GRIN3A: variants seen among roughly 807,000 people sequenced by gnomAD.
GRIN3A encodes the protein glutamate ionotropic receptor NMDA type subunit 3A.
GRIN3A carries 47 observed loss-of-function variants against 92.4 expected under a neutral mutation model. The ratio of observed to expected loss-of-function variants is 0.51; its 90% confidence interval spans 0.40 to 0.65. The LOEUF is 0.65. Ranked by LOEUF, GRIN3A falls within the 30% of genes least tolerant of loss-of-function variation. The pLI is 0.00. For synonymous variants in GRIN3A, 527 were observed against 540.6 expected, an observed-to-expected ratio of 0.97 and a Z score of 0.35; for missense variants, 1,324 against 1,393.1, an observed-to-expected ratio of 0.95 and a Z score of 0.79.
At chr9:101,665,227 A>G (rs1829223332) in intron 3 of GRIN3A, among the ~76,000 whole-genome samples, 3 of 152,078 alleles carry the variant, frequency 2.0e-5, no homozygotes, top group Admixed American at 1.3e-4. Flanking sequence ...ATCGCCTCTA[A>G]GAGGTAAAAA....
intron 1 of GRIN3A, among the ~76,000 whole-genome samples, chr9:101,729,197 C>A (rs1455339991): frequency 6.6e-6 from 1 of 152,146 alleles, no homozygotes; most frequent in Non-Finnish European, 1.5e-5. Flanking sequence ...CTTTTTGTCA[C>A]CTCCTCCCTG....
In GRIN3A at chr9:101,663,211, C is replaced by T. The variant is rs187076893; in HGVS notation, c.2352+6849G>A. On this transcript the variant is annotated intron_variant, in intron 3 of 8. Transcript: ENST00000361820. ...TATCTCATTCAGATCTTAGACAGACCTTCTTTCCCCATTCAGATCAGGTCT... is the reference window on the plus strand; with the variant it reads ...TATCTCATTCAGATCTTAGACAGACTTTCTTTCCCCATTCAGATCAGGTCT... Among the ~76,000 whole-genome samples, 254 of 151,972 alleles carry T rather than the reference C, an allele frequency of 1.7e-3. 2 individuals carry two copies. Among genetic ancestry groups the T allele is most frequent in the African/African-American group, 5.8e-3 (239 of 41,484 alleles).
intron 6 of GRIN3A, among the ~76,000 whole-genome samples, chr9:101,611,358 G>A (rs762044586): frequency 6.6e-6 from 1 of 152,030 alleles, no homozygotes; most frequent in South Asian, 2.1e-4. Context: ...TCTCCACAGG[G>A]TCTCCTTATA....
At chr9:101,639,228 A>C (rs1256153627) in intron 3 of GRIN3A, among the ~76,000 whole-genome samples, 1 of 152,168 alleles carries the variant, frequency 6.6e-6, no homozygotes, top group Non-Finnish European at 1.5e-5. Flanking sequence ...TATGATCATA[A>C]TATAATTACC....
At chr9:101,587,440 C>T (rs936445346) in intron 6 of GRIN3A, among the ~76,000 whole-genome samples, 9 of 152,044 alleles carry the variant, frequency 5.9e-5, no homozygotes, top group Non-Finnish European at 1.0e-4. Context: ...TGTATCCTGA[C>T]GCAGATCTCA....
At position 101,691,061 on chromosome 9, in the gene GRIN3A, C is replaced by A. The variant is rs550171291; in HGVS notation, c.700-3861G>T. 3.3e-5 allele frequency among the ~76,000 whole-genome samples: 5 copies of A among 152,024 alleles called. No homozygotes were observed. The East Asian group carries it at 9.7e-4, about 29-fold the overall frequency. On this transcript the variant is annotated intron_variant, in intron 1 of 8. Coordinates refer to ENST00000361820, the MANE Select transcript of GRIN3A (RefSeq NM_133445.3). ...AGCACACCGTATTTTTAGTTTTAAA[C>A]ACCTATCATAAAAAATAAAGGAACA... is the stretch of plus-strand genomic sequence containing the variant.
intron 6 of GRIN3A, among the ~76,000 whole-genome samples, chr9:101,591,219 C>A (rs1218442601): frequency 6.6e-6 from 1 of 152,220 alleles, no homozygotes; most frequent in African/African-American, 2.4e-5. Flanking sequence ...TCTAACATAT[C>A]TGTTTCATTG....
intron 1 of GRIN3A, among the ~76,000 whole-genome samples, chr9:101,725,587 C>T (rs1447778627): frequency 6.6e-6 from 1 of 152,136 alleles, no homozygotes; most frequent in East Asian, 1.9e-4. Context: ...CCTGGCCTTG[C>T]CACACACAAA....
chr9:101,628,154 T>C, intron 4 of GRIN3A, 102 bp downstream of exon 4: 1 of 1,134,084 alleles, frequency 8.8e-7, no homozygotes, highest in Non-Finnish European at 1.3e-6. Context: ...AACGTGGGTA[T>C]ATTCATCTGT....
At chr9:101,667,618 C>T (rs990091148) in intron 3 of GRIN3A, among the ~76,000 whole-genome samples, 1 of 149,816 alleles carries the variant, frequency 6.7e-6, no homozygotes, top group Non-Finnish European at 1.5e-5. Flanking sequence ...TGGTATAGGC[C>T]CTCCTCAAGG....
intron 2 of GRIN3A, among the ~76,000 whole-genome samples, chr9:101,674,290 A>G (rs1731288777): frequency 6.6e-6 from 1 of 152,074 alleles, no homozygotes; most frequent in Non-Finnish European, 1.5e-5. Flanking sequence ...TATATAGGAC[A>G]TAGTTTGGAA....
chr9:101,648,380 A>T (rs1302866830), intron 3 of GRIN3A, among the ~76,000 whole-genome samples: 2 of 152,038 alleles, frequency 1.3e-5, no homozygotes, highest in South Asian at 4.1e-4. Flanking sequence ...GTGACCTTAC[A>T]TGTGGTCTCT....
intron 3 of GRIN3A, among the ~76,000 whole-genome samples, chr9:101,650,381 C>T (rs1828998550): frequency 6.6e-6 from 1 of 152,016 alleles, no homozygotes; most frequent in Non-Finnish European, 1.5e-5. Context: ...TAAGCACAGT[C>T]TTAGCAAAGT....
At chr9:101,690,652 G>C (rs933930031) in intron 1 of GRIN3A, among the ~76,000 whole-genome samples, 2 of 152,120 alleles carry the variant, frequency 1.3e-5, no homozygotes, top group African/African-American at 4.8e-5. Context: ...AATCAGGCAA[G>C]AGTGGTAAAA....
rs1342773233 is a variant in GRIN3A, at chr9:101,570,559, C to T, written c.*2615G>A. On this transcript the variant is annotated 3_prime_UTR_variant, in exon 9 of 9. Coordinates refer to ENST00000361820, the MANE Select transcript of GRIN3A (RefSeq NM_133445.3). ...TTTTTCTTTATTCAGAACATAGAGG[C>T]ATTTCAAGCAATGTTGATGGCAGTA... The T allele has an allele frequency of 1.3e-5, 2 of 152,688 alleles. No individual in the cohort carries two copies. Among genetic ancestry groups the T allele is most frequent in the Non-Finnish European group, 2.9e-5 (2 of 68,046 alleles). 9.5% of individuals were successfully genotyped at this position (152,688 alleles called of 1,614,324 possible). A position where few individuals can be genotyped will look rare whatever the true frequency, so the allele number is the denominator to read the frequency against.
intron 6 of GRIN3A, among the ~76,000 whole-genome samples, chr9:101,598,049 T>A (rs1192696448): frequency 6.6e-6 from 1 of 152,226 alleles, no homozygotes; most frequent in Non-Finnish European, 1.5e-5. Context: ...AGTAGATGAA[T>A]CTTGGAATAA....
At chr9:101,728,503 A>G (rs1830103580) in intron 1 of GRIN3A, among the ~76,000 whole-genome samples, 1 of 152,140 alleles carries the variant, frequency 6.6e-6, no homozygotes, top group Non-Finnish European at 1.5e-5. Context: ...GGAAAATCTC[A>G]CCTTTTAAAT....
chr9:101,584,560 G>A (rs994250652), intron 6 of GRIN3A, among the ~76,000 whole-genome samples: 7 of 152,202 alleles, frequency 4.6e-5, no homozygotes, highest in Non-Finnish European at 1.0e-4. Context: ...AGGTGTCTAA[G>A]AGTGTTTTAG....
At chr9:101,631,049 A>C (rs907414523) in intron 3 of GRIN3A, among the ~76,000 whole-genome samples, 3 of 152,188 alleles carry the variant, frequency 2.0e-5, no homozygotes, top group Non-Finnish European at 4.4e-5. Context: ...AAGCCCTTAC[A>C]GTACATATAC....
Sources: allele counts gnomAD v4.1 joint callset (sites outside exome capture counted in the v4.1 genomes callset), GRCh38; gene constraint gnomAD v4.1.1; transcripts MANE v1.5; gene names NCBI Gene and HGNC (gene_info 2026-07-23, HGNC 2026-07-21).